The following GRM7 variants were observed in gnomAD, a reference collection of about 807,000 sequenced individuals.
The protein encoded by GRM7 is glutamate metabotropic receptor 7.
GRM7 carries 35 observed loss-of-function variants against 84.5 expected under a neutral mutation model. The observed-to-expected ratio is 0.41, with a 90% CI of 0.32 to 0.55. GRM7 has a LOEUF of 0.55. Among genes scored for constraint, GRM7 ranks in the 20% least tolerant of loss-of-function variants. The probability of loss-of-function intolerance (pLI) is 0.19; values close to 1 mark genes in which losing one functional copy is unlikely to be tolerated. For synonymous variants in GRM7, 487 were observed against 455.1 expected (o/e 1.07, Z -0.89); for missense variants, 1,003 against 1,194.6 (o/e 0.84, Z 2.36).
chr3:7,532,605 TG>T (rs1701081348), intron 7 of GRM7, among the ~76,000 whole-genome samples: 2 of 152,010 alleles, frequency 1.3e-5, no homozygotes, highest in Admixed American at 6.6e-5. Context: ...AAGGGATTTT[TG>T]TGTCTCTATC....
At chr3:7,588,128 G>GTATACTAGAAATACTGCCCA (rs561625150) in intron 8 of GRM7, among the ~76,000 whole-genome samples, 232 of 152,246 alleles carry the variant, frequency 1.5e-3, no homozygotes, top group African/African-American at 5.4e-3. Flanking sequence ...AAGAGTATCC[G>GTATACTAGAAATACTGCCCA]TATACTAGAA....
chr3:7,555,930 T>A lies in GRM7; in HGVS notation c.1516-22492T>A, dbSNP rs144697664. ...GCATTGCTAATCTTAGTAAAACTTA[T>A]TTTTTAACTTTAAAGTTTAAAGGGG... On this transcript the variant is annotated intron_variant, in intron 7 of 9. Transcript: ENST00000357716. 4.7e-3 allele frequency among the ~76,000 whole-genome samples: 721 copies of A among 152,296 alleles called. 3 individuals carry two copies. The highest frequency in any genetic ancestry group is 0.024 in the Middle Eastern group (7 of 294).
Position 7,146,672 on chromosome 3 carries a change from G to A in GRM7, c.736+4G>A. 1.2e-6 allele frequency: 2 copies of A among 1,600,826 alleles called. No individual in the cohort carries two copies. The highest frequency in any genetic ancestry group is 1.7e-6 in the Non-Finnish European group (2 of 1,171,278). On this transcript the variant is annotated splice_donor_region_variant and intron_variant, in intron 2 of 9. Transcript: ENST00000357716. ...ACGCAGATTTCCAAAGAGGCAGGTA[G>A]GATGAGATTGCTCTGATCAAGCTGG...
chr3:7,214,961 A>T lies in GRM7; in HGVS notation c.736+68293A>T, dbSNP rs980619621. 2.0e-5 allele frequency among the ~76,000 whole-genome samples: 3 copies of T among 152,314 alleles called. No homozygotes were observed. The South Asian group carries it at 6.2e-4, about 32-fold the overall frequency. On this transcript the variant is annotated intron_variant, in intron 2 of 9. Coordinates refer to ENST00000357716, the MANE Select transcript of GRM7 (RefSeq NM_000844.4). ...CTAAAAACCTCATTCACAAATAATGACATGTCTTTATTTAAACCTCTTTCA... is the reference window on the plus strand; with the variant it reads ...CTAAAAACCTCATTCACAAATAATGTCATGTCTTTATTTAAACCTCTTTCA...
chr3:7,334,154 T>C (rs2125069449), intron 4 of GRM7, among the ~76,000 whole-genome samples: 1 of 152,138 alleles, frequency 6.6e-6, no homozygotes, highest in East Asian at 1.9e-4. Flanking sequence ...AGGCACATAG[T>C]TATCAGATTA....
At chr3:7,323,697 G>A (rs555014354) in intron 4 of GRM7, among the ~76,000 whole-genome samples, 14 of 152,204 alleles carry the variant, frequency 9.2e-5, no homozygotes, top group East Asian at 1.9e-4. Context: ...GCCACATAAC[G>A]TGTCATGGTT....
rs1385439 is a variant in GRM7, at chr3:7,518,100, T to C, written c.1515+56378T>C. ...TCATTTCTCAGACAGTCAAAGCTCATAGGCATGGCTCCTGGACCTCTCTTG... is the reference window on the plus strand; with the variant it reads ...TCATTTCTCAGACAGTCAAAGCTCACAGGCATGGCTCCTGGACCTCTCTTG... On this transcript the variant is annotated intron_variant, in intron 7 of 9. Coordinates refer to ENST00000357716, the MANE Select transcript of GRM7 (RefSeq NM_000844.4). Among the ~76,000 whole-genome samples, 1,149 of 152,310 alleles carry C rather than the reference T, an allele frequency of 7.5e-3. 7 individuals carry two copies. Among genetic ancestry groups the C allele is most frequent in the Non-Finnish European group, 0.013 (868 of 68,030 alleles).
chr3:7,492,933 T>C (rs1699575138), intron 7 of GRM7, among the ~76,000 whole-genome samples: 1 of 152,066 alleles, frequency 6.6e-6, no homozygotes. Context: ...CTTCTTTAAT[T>C]CATTAATTAT....
In GRM7 at chr3:7,673,517, T is replaced by TAA. The variant is rs35955518; in HGVS notation, c.2452-6518_2452-6517dup. On this transcript the variant is annotated intron_variant, in intron 8 of 9. Coordinates refer to ENST00000357716, the MANE Select transcript of GRM7 (RefSeq NM_000844.4). ...ACTAAGAAACATCATCAGTGACAGTTAAAAAAAAAAAAAAAGACCAGAACC... is the reference window on the plus strand; with the variant it reads ...ACTAAGAAACATCATCAGTGACAGTTAAAAAAAAAAAAAAAAAGACCAGAACC... Among the ~76,000 whole-genome samples, 304 of 141,522 alleles carry TAA rather than the reference T, an allele frequency of 2.1e-3. 1 individual carries two copies. Among genetic ancestry groups the TAA allele is most frequent in the South Asian group, 5.0e-3 (22 of 4,376 alleles). 92.8% of individuals were successfully genotyped at this position (141,522 alleles called of 152,430 possible). A position where few individuals can be genotyped will look rare whatever the true frequency, so the allele number is the denominator to read the frequency against.
chr3:6,987,613 T>A (rs377137462), intron 1 of GRM7, among the ~76,000 whole-genome samples: 4 of 152,020 alleles, frequency 2.6e-5, no homozygotes, highest in Admixed American at 2.0e-4. Flanking sequence ...TATGCTGAGG[T>A]GAAGTTTGAG....
chr3:6,907,693 A>G (rs1357698131), intron 1 of GRM7, among the ~76,000 whole-genome samples: 4 of 152,162 alleles, frequency 2.6e-5, no homozygotes, highest in Non-Finnish European at 5.9e-5. Context: ...GTTTTAAGGA[A>G]CCACGGAGAG....
intron 1 of GRM7, among the ~76,000 whole-genome samples, chr3:6,899,422 T>G (rs1426599457): frequency 6.6e-6 from 1 of 152,176 alleles, no homozygotes; most frequent in Non-Finnish European, 1.5e-5. Flanking sequence ...TTAATAAGCA[T>G]AAATAGGTTG....
intron 2 of GRM7, among the ~76,000 whole-genome samples, chr3:7,214,282 G>T (rs971649542): frequency 3.3e-5 from 5 of 152,170 alleles, no homozygotes; most frequent in African/African-American, 1.2e-4. Flanking sequence ...TCTAGAAAGA[G>T]CCTGTTAATT....
intron 4 of GRM7, among the ~76,000 whole-genome samples, chr3:7,380,450 T>G (rs1207261426): frequency 6.6e-6 from 1 of 152,242 alleles, no homozygotes; most frequent in Non-Finnish European, 1.5e-5. Flanking sequence ...GTTGAAATGT[T>G]GCATTTCCTG....
chr3:7,477,907 T>C (rs1698986354), intron 7 of GRM7, among the ~76,000 whole-genome samples: 1 of 152,174 alleles, frequency 6.6e-6, no homozygotes, highest in Non-Finnish European at 1.5e-5. Context: ...AAATTGCATG[T>C]TATAAGGACC....
intron 4 of GRM7, among the ~76,000 whole-genome samples, chr3:7,390,996 G>T (rs1694969365): frequency 6.6e-6 from 1 of 151,514 alleles, no homozygotes; most frequent in Non-Finnish European, 1.5e-5. Flanking sequence ...TGTTGTTGTT[G>T]TTGTTTTGAA....
rs1697256767 is a variant in GRM7 at position 6,925,182 on chromosome 3, TTACTC to T, written c.519+63278_519+63282del. Among the ~76,000 whole-genome samples the T allele has an allele frequency of 3.9e-5, 6 of 152,200 alleles. No individual in the cohort carries two copies. The South Asian group carries it at 1.2e-3, about 32-fold the overall frequency. On this transcript the variant is annotated intron_variant, in intron 1 of 9. Transcript: ENST00000357716. Reference sequence around the variant, plus strand: ...GTATTTCTTCCTTCCATTTCATGCTTTACTCTATATAGGCATTTAATAGTTTGTCT... The same window carrying T: ...GTATTTCTTCCTTCCATTTCATGCTTTATATAGGCATTTAATAGTTTGTCT...
At chr3:7,158,141 C>T (rs1465694823) in intron 2 of GRM7, among the ~76,000 whole-genome samples, 1 of 151,966 alleles carries the variant, frequency 6.6e-6, no homozygotes, top group East Asian at 1.9e-4. Context: ...TTCATTTTTT[C>T]TGAGATATGA....
At position 7,688,260 on chromosome 3, in the gene GRM7, AACTTGTAGCTAGAATTGTCTT is replaced by A. The variant is rs1327901621; in HGVS notation, c.2698+7970_2698+7990del. 2.6e-5 allele frequency among the ~76,000 whole-genome samples: 4 copies of A among 152,150 alleles called. No homozygotes were observed. The East Asian group carries it at 7.7e-4, about 29-fold the overall frequency. ...GATATACAGATTAGAAGTAAATTCA[AACTTGTAGCTAGAATTGTCTT>A]ACTTCAAAGATTTTGATGAGATAAA... On this transcript the variant is annotated intron_variant, in intron 9 of 9. Transcript: ENST00000357716.
Sources: allele counts gnomAD v4.1 joint callset (sites outside exome capture counted in the v4.1 genomes callset), GRCh38; gene constraint gnomAD v4.1.1; transcripts MANE v1.5; gene names NCBI Gene and HGNC (gene_info 2026-07-23, HGNC 2026-07-21).